TOP2B: variants seen among roughly 807,000 people sequenced by gnomAD.
The protein encoded by TOP2B is DNA topoisomerase II beta.
Under a neutral mutation model 193.5 loss-of-function variants are expected in TOP2B, and 51 were observed. The ratio of observed to expected loss-of-function variants is 0.26; its 90% CI spans 0.21 to 0.33. The LOEUF (loss-of-function observed/expected upper bound fraction) is 0.33. Among genes scored for constraint, TOP2B ranks in the 10% least tolerant of loss-of-function variants. TOP2B has a pLI of 1.00. For missense variants in TOP2B, 1,378 were observed against 1,909.3 expected (o/e 0.72, Z 5.19); for synonymous variants, 634 against 635.7 (o/e 1.00, Z 0.04).
rs1408602630 is a variant in TOP2B at position 25,638,178 on chromosome 3, C to A, written c.528G>T (p.Glu176Asp). Residue 176 changes from glutamate to aspartate, a missense_variant, in exon 5 of 36, where the codon GAG becomes GAT. Glu to Asp is a conservative substitution (Grantham distance 45). Transcript: ENST00000264331. ...LLTSSNYDDD[E>D]KKVTGGRNGY... ...TTCAGACTTTACCTGTAACTTTTTT[C>A]TCATCATCATCATAGTTACTGGATG... 4 of 1,567,296 alleles carry A rather than the reference C, an allele frequency of 2.6e-6. No individual in the cohort carries two copies.
chr3:25,607,270 G>A lies in TOP2B; in HGVS notation c.4199C>T (p.Ser1400Phe), dbSNP rs1702258278. ...NDLEELKVKASPITNDGEDEF... is the reference protein window; with the variant it reads ...NDLEELKVKAFPITNDGEDEF... Reference sequence around the variant, plus strand: ...ATCTTCCCCATCATTTGTTATGGGAGATGCTTTAACTTTCAATTCCTCTAA... The same window carrying A: ...ATCTTCCCCATCATTTGTTATGGGAAATGCTTTAACTTTCAATTCCTCTAA... The change falls in exon 31 of 36, where the codon TCT becomes TTT. Residue 1400 changes from serine to phenylalanine, a missense_variant. Transcript: ENST00000264331. The A allele has an allele frequency of 1.3e-6, 2 of 1,582,358 alleles. No homozygotes were observed. The highest frequency in any genetic ancestry group is 2.3e-5 in the East Asian group (1 of 43,918).
chr3:25,627,438 A>G (rs1702834271), intron 15 of TOP2B, 142 bp from the exon 16 acceptor site: 3 of 473,418 alleles, frequency 6.3e-6, no homozygotes, highest in South Asian at 4.5e-5. Flanking sequence ...ATAAGCAACT[A>G]AAGACAAAGT....
intron 1 of TOP2B, among the ~76,000 whole-genome samples, chr3:25,646,837 A>G (rs1400333247): frequency 6.6e-6 from 1 of 152,182 alleles, no homozygotes; most frequent in Non-Finnish European, 1.5e-5. Context: ...AGAATTTAAT[A>G]TATCCTCAGG....
At chr3:25,624,935 T>C (rs753299029) in intron 18 of TOP2B, 132 bp from the exon 19 acceptor site, 12 of 830,018 alleles carry the variant, frequency 1.4e-5, no homozygotes, top group Admixed American at 5.5e-5. Context: ...TGTAACAAAG[T>C]GAGTACATAC....
chr3:25,645,269 C>G (rs1703383502), intron 2 of TOP2B, 31 bp downstream of exon 2: 2 of 1,496,256 alleles, frequency 1.3e-6, no homozygotes, highest in African/African-American at 2.8e-5. Flanking sequence ...ATGCACATCT[C>G]CTAATTTCAA....
intron 27 of TOP2B, among the ~76,000 whole-genome samples, chr3:25,612,917 G>A (rs1575565393): frequency 6.6e-6 from 1 of 152,096 alleles, no homozygotes; most frequent in Non-Finnish European, 1.5e-5. Flanking sequence ...CATCTAACTA[G>A]TTTCCCATTT....
At chr3:25,601,284 A>T (rs1332404120) in intron 33 of TOP2B, 59 bp from the exon 34 acceptor site, 1 of 1,556,016 alleles carries the variant, frequency 6.4e-7, no homozygotes, top group Non-Finnish European at 8.7e-7. Flanking sequence ...CAAACTGAAG[A>T]GAGTCCTATA....
rs569924785 is a variant in TOP2B at position 25,632,904 on chromosome 3, C to T, written c.1027-110G>A. 2.6e-4 allele frequency: 229 copies of T among 879,064 alleles called. 6 individuals are homozygous for T. In the South Asian group the frequency reaches 4.2e-3, roughly 16 times the overall value. 54.5% of individuals were successfully genotyped at this position (879,064 alleles called of 1,614,324 possible). ...CTAAAAGAGTAATAGAGTCTCAGAACGAGAGTTGAGATTTTAAAAAAATAA... is the reference window on the plus strand; with the variant it reads ...CTAAAAGAGTAATAGAGTCTCAGAATGAGAGTTGAGATTTTAAAAAAATAA... On this transcript the variant is annotated intron_variant, in intron 8 of 35. Transcript: ENST00000264331.
intron 25 of TOP2B, among the ~76,000 whole-genome samples, chr3:25,616,112 C>T (rs1702496827): frequency 6.6e-6 from 1 of 151,850 alleles, no homozygotes; most frequent in African/African-American, 2.4e-5. Context: ...CAGAGAAAGT[C>T]CACTTAAGAA....
intron 4 of TOP2B, among the ~76,000 whole-genome samples, chr3:25,640,181 G>T (rs530322245): frequency 4.2e-4 from 64 of 152,132 alleles, no homozygotes; most frequent in Non-Finnish European, 6.9e-4. Flanking sequence ...TAGTATATGT[G>T]GTAAAAAATG....
chr3:25,617,693 C>T (rs1702541635), intron 25 of TOP2B, among the ~76,000 whole-genome samples: 2 of 152,144 alleles, frequency 1.3e-5, no homozygotes, highest in Non-Finnish European at 2.9e-5. Flanking sequence ...ACTTTTCTTC[C>T]TCTTCTGTAA....
chr3:25,613,211 T>C (rs999500236), intron 27 of TOP2B, among the ~76,000 whole-genome samples: 1 of 152,258 alleles, frequency 6.6e-6, no homozygotes, highest in Non-Finnish European at 1.5e-5. Context: ...GGCAGGTCTA[T>C]GTAATGATAA....
chr3:25,632,282 C>G (rs1702982946), intron 10 of TOP2B, among the ~76,000 whole-genome samples, 164 bp downstream of exon 10: 1 of 151,950 alleles, frequency 6.6e-6, no homozygotes, highest in South Asian at 2.1e-4. Flanking sequence ...ACATTAAAGT[C>G]TACCCTTTAA....
At position 25,604,880 on chromosome 3, in the gene TOP2B, G is replaced by C; in HGVS notation, c.4379-10C>G. 1 of 1,596,680 alleles carries C rather than the reference G, an allele frequency of 6.3e-7. No individual in the cohort carries two copies. Among genetic ancestry groups the C allele is most frequent in the Non-Finnish European group, 8.6e-7 (1 of 1,166,062 alleles). ...TCAAATTTAGCTGAATCTAAAAATT[G>C]CAAAGCCTTCTTTTAGTAAAGAGAT... On this transcript the variant is annotated splice_polypyrimidine_tract_variant and intron_variant, in intron 32 of 35. Coordinates refer to ENST00000264331, the MANE Select transcript of TOP2B (RefSeq NM_001330700.2).
Position 25,599,506 on chromosome 3 carries a change from T to G in TOP2B, c.4639A>C (p.Arg1547=). The change falls in exon 35 of 36, where the codon AGG becomes CGG. Residue 1547 remains arginine (R), a synonymous_variant. Transcript: ENST00000264331. ...PKGKGRGAKK[R]KASGSENEGD... ...TCATTTTCAGAGCCAGATGCTTTCC[T>G]TTTCTTTGCCCCTCGGCCTTTACCT... The G allele has an allele frequency of 6.2e-7, 1 of 1,613,416 alleles. No individual in the cohort carries two copies. The highest frequency in any genetic ancestry group is 1.3e-5 in the African/African-American group (1 of 75,042).
chr3:25,650,111 G>A (rs553139562), intron 1 of TOP2B, among the ~76,000 whole-genome samples: 1 of 152,136 alleles, frequency 6.6e-6, no homozygotes, highest in African/African-American at 2.4e-5. Context: ...TAAGATGGAT[G>A]CCTAATTATT....
In TOP2B at chr3:25,600,959, T is replaced by G. The variant is rs1702076379; in HGVS notation, c.4615+141A>C. On this transcript the variant is annotated intron_variant, in intron 34 of 35. Transcript: ENST00000264331. ...CCTTTGGACTATATTCAGCACTGAT[T>G]CCTAGACACACTGCTTACTGAGGAG... 3.7e-6 allele frequency: 3 copies of G among 811,102 alleles called. No homozygotes were observed. The South Asian group carries it at 5.6e-5, about 15-fold the overall frequency. 50.2% of individuals were successfully genotyped at this position (811,102 alleles called of 1,614,324 possible).
Position 25,632,515 on chromosome 3 carries a change from C to T in TOP2B, c.1197G>A (p.Lys399=). The change falls in exon 10 of 36, where the codon AAG becomes AAA. Residue 399 remains lysine, a synonymous_variant. Coordinates refer to ENST00000264331, the MANE Select transcript of TOP2B (RefSeq NM_001330700.2). ...TTTTGGGCTGCAGAGTCATGTTTTC[C>T]TTAGTCTGAGAATCAAAAGTTGGAT... ...IENPTFDSQT[K]ENMTLQPKSF... 1 of 1,586,752 alleles carries T rather than the reference C, an allele frequency of 6.3e-7. No homozygotes were observed. Among genetic ancestry groups the T allele is most frequent in the Non-Finnish European group, 8.5e-7 (1 of 1,169,892 alleles).
At chr3:25,644,731 G>A (rs1028181800) in intron 2 of TOP2B, among the ~76,000 whole-genome samples, 6 of 151,748 alleles carry the variant, frequency 4.0e-5, no homozygotes, top group African/African-American at 9.7e-5. Flanking sequence ...GGGAGATGGC[G>A]GGTGGGGAAG....
Sources: allele counts gnomAD v4.1 joint callset (sites outside exome capture counted in the v4.1 genomes callset), GRCh38; gene constraint gnomAD v4.1.1; transcripts MANE v1.5; gene names NCBI Gene and HGNC (gene_info 2026-07-23, HGNC 2026-07-21).